The following PAX5 variants were observed in gnomAD, a reference collection of about 807,000 sequenced individuals.
The protein encoded by PAX5 is paired box protein Pax-5.
A neutral mutation model predicts 43.7 loss-of-function variants in PAX5; 9 were observed. The observed-to-expected ratio is 0.21, with a 90% CI of 0.12 to 0.36. The LOEUF is 0.36. Ranked by LOEUF, PAX5 falls within the 10% of genes least tolerant of loss-of-function variation. PAX5 has a pLI of 1.00. For missense variants in PAX5, 383 were observed against 532.7 expected (o/e 0.72, Z 2.77); for synonymous variants, 228 against 214.3 (o/e 1.06, Z -0.56).
At position 36,838,384 on chromosome 9, in the gene PAX5, G is replaced by C. The variant is rs1587713507; in HGVS notation, c.*2176C>G. ...ACCAGGGTGACAGGGAACACCATGG[G>C]TTGGGGGTCAGGAGCCCGAGTCCCA... On this transcript the variant is annotated 3_prime_UTR_variant, in exon 10 of 10. Coordinates refer to ENST00000358127, the MANE Select transcript of PAX5 (RefSeq NM_016734.3). 1.3e-5 allele frequency: 3 copies of C among 232,788 alleles called. No homozygotes were observed. In the Admixed American group the frequency reaches 1.7e-4, roughly 13 times the overall value. 14.4% of individuals were successfully genotyped at this position (232,788 alleles called of 1,614,324 possible). A position where few individuals can be genotyped will look rare whatever the true frequency, so the allele number is the denominator to read the frequency against.
At chr9:36,898,746 G>A (rs868613953) in intron 7 of PAX5, among the ~76,000 whole-genome samples, 8 of 152,094 alleles carry the variant, frequency 5.3e-5, no homozygotes, top group Non-Finnish European at 7.4e-5. Context: ...GGCTCTCCTC[G>A]CCACATGAGG....
At chr9:37,032,973 C>A (rs762109369) in intron 1 of PAX5, among the ~76,000 whole-genome samples, 2 of 152,246 alleles carry the variant, frequency 1.3e-5, no homozygotes, top group African/African-American at 2.4e-5. Flanking sequence ...GTGCGGCACC[C>A]ACAGGATAAA....
At chr9:36,856,847 G>A (rs1823726508) in intron 8 of PAX5, among the ~76,000 whole-genome samples, 1 of 152,170 alleles carries the variant, frequency 6.6e-6, no homozygotes, top group Non-Finnish European at 1.5e-5. Flanking sequence ...ACAAAGATAG[G>A]AAGGCTCTAG....
chr9:36,989,154 C>T (rs1299006806), intron 5 of PAX5, among the ~76,000 whole-genome samples: 2 of 152,242 alleles, frequency 1.3e-5, no homozygotes, highest in Non-Finnish European at 2.9e-5. Flanking sequence ...ATGCAACAGA[C>T]TCTGAGCCAA....
intron 6 of PAX5, among the ~76,000 whole-genome samples, chr9:36,952,388 T>C (rs7027052): frequency 0.72 from 109,944 of 151,794 alleles, 40,255 homozygotes; most frequent in South Asian, 0.83. Context: ...TACAGGCACA[T>C]GCCACCATGC....
intron 8 of PAX5, among the ~76,000 whole-genome samples, chr9:36,850,116 G>A (rs532772636): frequency 1.7e-4 from 26 of 152,336 alleles, no homozygotes; most frequent in Middle Eastern, 3.4e-3. Context: ...GCAAAGGCCC[G>A]GCAGTGGGGC....
intron 7 of PAX5, among the ~76,000 whole-genome samples, chr9:36,883,981 A>C (rs1826692992): frequency 6.6e-6 from 1 of 151,378 alleles, no homozygotes; most frequent in South Asian, 2.1e-4. Flanking sequence ...ATCTTAGAAG[A>C]AATAGAAAAA....
At chr9:37,033,767 T>C (rs956760320) in intron 1 of PAX5, among the ~76,000 whole-genome samples, 3 of 152,118 alleles carry the variant, frequency 2.0e-5, no homozygotes, top group Non-Finnish European at 4.4e-5. Context: ...AGCGTGAACA[T>C]TCAGAAACAG....
At chr9:36,920,338 A>AT (rs985362166) in intron 7 of PAX5, among the ~76,000 whole-genome samples, 97 of 152,316 alleles carry the variant, frequency 6.4e-4, no homozygotes, top group African/African-American at 2.2e-3. Flanking sequence ...AGAAGAGTCA[A>AT]TTGATGCAGC....
At chr9:36,959,914 C>T (rs1383461342) in intron 6 of PAX5, among the ~76,000 whole-genome samples, 3 of 152,226 alleles carry the variant, frequency 2.0e-5, no homozygotes, top group Non-Finnish European at 4.4e-5. Context: ...AGCTACTCTG[C>T]CTGCACAACG....
chr9:36,868,437 C>CG (rs1038011722), intron 8 of PAX5, among the ~76,000 whole-genome samples: 1 of 152,140 alleles, frequency 6.6e-6, no homozygotes, highest in Admixed American at 6.5e-5. Context: ...GGGCAGTGCC[C>CG]GGGGGGTGCA....
intron 6 of PAX5, among the ~76,000 whole-genome samples, chr9:36,941,140 C>T (rs1016601392): frequency 1.7e-4 from 26 of 152,222 alleles, no homozygotes; most frequent in African/African-American, 5.8e-4. Flanking sequence ...GCCGCTAAGC[C>T]AGCAGGCTCA....
chr9:36,987,348 A>T (rs1836519125), intron 5 of PAX5, among the ~76,000 whole-genome samples: 2 of 152,186 alleles, frequency 1.3e-5, no homozygotes, highest in Non-Finnish European at 2.9e-5. Flanking sequence ...CGACCCTTGG[A>T]GATGTTCAGA....
chr9:36,869,463 TA>T (rs1758974029), intron 8 of PAX5, among the ~76,000 whole-genome samples: 1 of 152,376 alleles, frequency 6.6e-6, no homozygotes, highest in Admixed American at 6.5e-5. Context: ...TGGAAAGCTT[TA>T]GCTGTGCCCC....
At chr9:36,844,420 A>G (rs192945117) in intron 9 of PAX5, among the ~76,000 whole-genome samples, 5 of 152,272 alleles carry the variant, frequency 3.3e-5, no homozygotes, top group African/African-American at 9.6e-5. Flanking sequence ...TCTTCCGTAT[A>G]ATAGAGATAA....
chr9:37,007,435 A>G (rs575059753), intron 3 of PAX5: 1 of 152,340 alleles, frequency 6.6e-6, no homozygotes, highest in South Asian at 2.1e-4. Context: ...TGACCGCTCT[A>G]ACATCCTTCT....
chr9:37,013,831 C>T (rs986739025), intron 3 of PAX5, among the ~76,000 whole-genome samples: 3 of 152,310 alleles, frequency 2.0e-5, no homozygotes, highest in Admixed American at 6.5e-5. Flanking sequence ...AACAGGCTAA[C>T]AATTTACAAA....
chr9:36,991,678 C>T (rs577764393), intron 5 of PAX5, among the ~76,000 whole-genome samples: 106 of 151,540 alleles, frequency 7.0e-4, no homozygotes, highest in African/African-American at 2.5e-3. Flanking sequence ...CATGAATGGC[C>T]GGTACACACT....
chr9:36,970,533 C>T (rs1026477994), intron 5 of PAX5, among the ~76,000 whole-genome samples: 1 of 152,114 alleles, frequency 6.6e-6, no homozygotes, highest in Non-Finnish European at 1.5e-5. Context: ...GGGCCCGAAT[C>T]GCTCGTTCCT....
Sources: gnomAD v4.1 joint callset for allele counts (sites outside exome capture counted in the v4.1 genomes callset) on GRCh38, gnomAD v4.1.1 for gene constraint, MANE v1.5 for transcripts, NCBI Gene and HGNC (gene_info 2026-07-23, HGNC 2026-07-21) for gene names.